The following ADRA1B variants were observed in gnomAD, a reference collection of about 807,000 sequenced individuals.
ADRA1B encodes the protein alpha-1B adrenergic receptor.
ADRA1B carries 17 observed loss-of-function variants against 17.9 expected under a neutral mutation model. The ratio of observed to expected loss-of-function variants is 0.95; its 90% CI spans 0.65 to 1.42. The LOEUF (loss-of-function observed/expected upper bound fraction) is 1.42, where lower values mean the gene tolerates loss of function less well. ADRA1B is among the 40% of genes most tolerant of loss of function. ADRA1B has a pLI of 0.00. For synonymous variants in ADRA1B, 366 were observed against 327.6 expected (o/e 1.12, Z -1.27); for missense variants, 681 against 722.1 (o/e 0.94, Z 0.65).
intron 1 of ADRA1B, among the ~76,000 whole-genome samples, chr5:159,922,413 A>T (rs1196507914): frequency 1.3e-5 from 2 of 152,216 alleles, no homozygotes; most frequent in African/African-American, 4.8e-5. Context: ...CACACCAAGG[A>T]AATGTCTGGC....
chr5:159,951,340 C>A (rs765259683), intron 1 of ADRA1B: 4 of 1,275,288 alleles, frequency 3.1e-6, no homozygotes, highest in Non-Finnish European at 4.5e-6. Flanking sequence ...TGGAATTTGC[C>A]ATGGGTGGAA....
chr5:159,950,445 C>T, intron 1 of ADRA1B: 1 of 965,020 alleles, frequency 1.0e-6, no homozygotes, highest in Non-Finnish European at 1.6e-6. Context: ...TCAGTGAGGG[C>T]TTCTCGCTTC....
rs184165454 is a variant in ADRA1B at position 159,934,401 on chromosome 5, C to G, written c.949+16547C>G. On this transcript the variant is annotated intron_variant, in intron 1 of 1. Transcript: ENST00000306675. The stretch of plus-strand genomic sequence containing the variant: ...CCTTCCTGTCACCTGCCTCTGTCAC[C>G]GCCTTCCCACCCCCTCGTCTTGAGG... Among the ~76,000 whole-genome samples the G allele has an allele frequency of 5.3e-3, 814 of 152,164 alleles. 4 individuals are homozygous for G. Among genetic ancestry groups the G allele is most frequent in the South Asian group, 0.019 (92 of 4,812 alleles).
chr5:159,952,887 C>G (rs780688560), intron 1 of ADRA1B, among the ~76,000 whole-genome samples: 5 of 152,182 alleles, frequency 3.3e-5, no homozygotes, highest in African/African-American at 1.2e-4. Flanking sequence ...CAGGACACTG[C>G]GTAAGAAGCC....
At chr5:159,891,063 C>G (rs1198067676) in intron 1 of ADRA1B, among the ~76,000 whole-genome samples, 1 of 152,164 alleles carries the variant, frequency 6.6e-6, no homozygotes, top group East Asian at 1.9e-4. Flanking sequence ...TACACCTACC[C>G]CCCCTCTAAG....
chr5:159,892,892 T>C (rs1230082340), intron 1 of ADRA1B, among the ~76,000 whole-genome samples: 1 of 152,160 alleles, frequency 6.6e-6, no homozygotes, highest in Non-Finnish European at 1.5e-5. Context: ...TACCTTTAGG[T>C]CGCCGAGGAT....
Position 159,923,734 on chromosome 5 carries a change from G to C in ADRA1B, c.949+5880G>C, listed in dbSNP as rs7706548. On this transcript the variant is annotated intron_variant, in intron 1 of 1. Transcript: ENST00000306675. ...CTGCTCATCAGAAACATCTGGAGGA[G>C]GGGGCTGTTTTTAAAAGAATAGATC... is the stretch of plus-strand genomic sequence containing the variant. 8.7e-3 allele frequency among the ~76,000 whole-genome samples: 1,330 copies of C among 152,206 alleles called. 1 individual carries two copies. The highest frequency in any genetic ancestry group is 0.014 in the Non-Finnish European group (962 of 67,908).
chr5:159,945,828 A>G (rs758522277), intron 1 of ADRA1B, among the ~76,000 whole-genome samples: 266 of 151,758 alleles, frequency 1.8e-3, no homozygotes, highest in Non-Finnish European at 3.4e-3. Context: ...GCTCACTGCA[A>G]GCTCCGCCTC....
At chr5:159,921,319 G>GGT (rs1320165916) in intron 1 of ADRA1B, among the ~76,000 whole-genome samples, 2 of 152,166 alleles carry the variant, frequency 1.3e-5, no homozygotes, top group Non-Finnish European at 2.9e-5. Context: ...TTTGGCCCCT[G>GGT]GAATCAGGCC....
intron 1 of ADRA1B, among the ~76,000 whole-genome samples, chr5:159,898,550 T>C (rs1378327518): frequency 6.6e-6 from 1 of 152,266 alleles, no homozygotes; most frequent in African/African-American, 2.4e-5. Flanking sequence ...AACACATGTT[T>C]ATAGATTTCA....
At chr5:159,939,322 T>A (rs62377693) in intron 1 of ADRA1B, among the ~76,000 whole-genome samples, 5 of 107,660 alleles carry the variant, frequency 4.6e-5, no homozygotes, top group South Asian at 3.3e-4. Flanking sequence ...TGTGTGTGTG[T>A]GCGCGCGCGC....
chr5:159,868,178 C>T (rs1166638482), intron 1 of ADRA1B: 1 of 152,010 alleles, frequency 6.6e-6, no homozygotes, highest in African/African-American at 2.4e-5. Context: ...AAAGACAAAA[C>T]AAAAAGGCAA....
chr5:159,978,646 G>A, the ADRA1B span, among the ~76,000 whole-genome samples: 1 of 152,190 alleles, frequency 6.6e-6, no homozygotes, highest in South Asian at 2.1e-4. Context: ...ACAGTCCTCA[G>A]ATAAGCTATC....
At chr5:159,878,112 G>A (rs1422628988) in intron 1 of ADRA1B, among the ~76,000 whole-genome samples, 7 of 152,204 alleles carry the variant, frequency 4.6e-5, no homozygotes, top group Admixed American at 2.6e-4. Context: ...ACCAAATGCC[G>A]AGGCAGTCTC....
intron 1 of ADRA1B, among the ~76,000 whole-genome samples, chr5:159,926,862 G>T (rs1484784400): frequency 2.0e-5 from 3 of 152,024 alleles, no homozygotes; most frequent in Non-Finnish European, 4.4e-5. Context: ...ACTTCAGCCT[G>T]GCAGACAGAG....
chr5:159,959,119 A>G (rs927289440), intron 1 of ADRA1B, among the ~76,000 whole-genome samples: 13 of 152,212 alleles, frequency 8.5e-5, no homozygotes, highest in Admixed American at 8.5e-4. Flanking sequence ...ACAGTTCCCA[A>G]AGAGTTAAGA....
intron 1 of ADRA1B, among the ~76,000 whole-genome samples, chr5:159,945,911 C>A (rs1755259429): frequency 6.6e-6 from 1 of 152,078 alleles, no homozygotes; most frequent in Non-Finnish European, 1.5e-5. Flanking sequence ...CCATGCCTGG[C>A]TAATTTTTTG....
chr5:159,915,063 C>A (rs1476319743), upstream of ADRA1B, among the ~76,000 whole-genome samples: 1 of 152,202 alleles, frequency 6.6e-6, no homozygotes, highest in Non-Finnish European at 1.5e-5. Flanking sequence ...TATCAGTAAG[C>A]GCTCAATTCA....
At chr5:159,900,487 T>G (rs1754089745) in intron 1 of ADRA1B, among the ~76,000 whole-genome samples, 1 of 152,220 alleles carries the variant, frequency 6.6e-6, no homozygotes. Context: ...TTATGGTGAG[T>G]AGAATCTGTT....
Sources: allele counts gnomAD v4.1 joint callset (sites outside exome capture counted in the v4.1 genomes callset), GRCh38; gene constraint gnomAD v4.1.1; transcripts MANE v1.5; gene names NCBI Gene and HGNC (gene_info 2026-07-23, HGNC 2026-07-21).